RNF149: variants seen among roughly 807,000 people sequenced by gnomAD.
RNF149 encodes ring finger protein 149.
A neutral mutation model predicts 39.0 loss-of-function variants in RNF149; 21 were observed. The ratio of observed to expected loss-of-function variants is 0.54; its 90% confidence interval spans 0.38 to 0.77. The LOEUF is 0.77. RNF149 is among the 30% of genes least tolerant of loss of function. The pLI is 0.00. For missense variants in RNF149, 493 were observed against 534.9 expected, an observed-to-expected ratio of 0.92 and a Z score of 0.77; for synonymous variants, 209 against 213.6, an observed-to-expected ratio of 0.98 and a Z score of 0.19.
Position 101,276,517 on chromosome 2 carries a change from T to C in RNF149, c.*721A>G. The C allele has an allele frequency of 1.0e-6, 1 of 985,792 alleles. No homozygotes were observed. Among genetic ancestry groups the C allele is most frequent in the Non-Finnish European group, 1.2e-6 (1 of 829,886 alleles). 61.1% of individuals were successfully genotyped at this position (985,792 alleles called of 1,614,324 possible). ...CTACTCATTTTCCTTAACAAGGCAA[T>C]GAAGAACTTAATGCTCATGTGCGAT... On this transcript the variant is annotated 3_prime_UTR_variant, in exon 7 of 7. Coordinates refer to ENST00000295317, the MANE Select transcript of RNF149 (RefSeq NM_173647.4).
chr2:101,288,229 A>G (rs1261324926), intron 4 of RNF149, among the ~76,000 whole-genome samples: 4 of 132,126 alleles, frequency 3.0e-5, no homozygotes, highest in South Asian at 4.8e-4. Context: ...GGAAAGAAAA[A>G]CTTTTTTTTT....
chr2:101,272,239 T>C (rs891501738), downstream of RNF149, among the ~76,000 whole-genome samples: 1 of 152,202 alleles, frequency 6.6e-6, no homozygotes, highest in Non-Finnish European at 1.5e-5. Flanking sequence ...AAAGTCCTAG[T>C]GTTCCCAGGC....
At chr2:101,285,390 A>G (rs1682759162) in intron 5 of RNF149, among the ~76,000 whole-genome samples, 1 of 152,174 alleles carries the variant, frequency 6.6e-6, no homozygotes, top group South Asian at 2.1e-4. Flanking sequence ...ATTCCCCATT[A>G]GCTAACTGCA....
rs149493195 is a variant in RNF149, at chr2:101,304,393, C to T, written c.460+3736G>A. On this transcript the variant is annotated intron_variant, in intron 1 of 6. Coordinates refer to ENST00000295317, the MANE Select transcript of RNF149 (RefSeq NM_173647.4). ...GCCTGGGTGACAGAGCAAGACCTTG[C>T]CTCAAAAACAAAACAAAACAAAACA... Among the ~76,000 whole-genome samples the T allele has an allele frequency of 6.2e-3, 945 of 152,130 alleles. 3 individuals carry two copies. The highest frequency in any genetic ancestry group is 0.022 in the African/African-American group (902 of 41,508).
chr2:101,273,123 T>C (rs930110765), downstream of RNF149: 1 of 1,361,838 alleles, frequency 7.3e-7, no homozygotes, highest in African/African-American at 1.5e-5. Flanking sequence ...GGGGAAATTA[T>C]TACCTGCCAA....
downstream of RNF149, among the ~76,000 whole-genome samples, chr2:101,271,953 C>T (rs912814423): frequency 5.9e-5 from 9 of 152,268 alleles, no homozygotes; most frequent in East Asian, 3.9e-4. Context: ...GATTCACATT[C>T]GCTGGGAGAA....
Position 101,277,095 on chromosome 2 carries a change from C to T in RNF149, c.*143G>A. ...TCTTCAAGAAGAAAATATCTTAGTC[C>T]TTTGTATATCAAATCAGAATCTAAT... On this transcript the variant is annotated 3_prime_UTR_variant, in exon 7 of 7. Transcript: ENST00000295317. The T allele has an allele frequency of 7.0e-7, 1 of 1,418,592 alleles. No individual in the cohort carries two copies. The highest frequency in any genetic ancestry group is 9.4e-7 in the Non-Finnish European group (1 of 1,063,012). 87.9% of individuals were successfully genotyped at this position (1,418,592 alleles called of 1,614,324 possible). A position where few individuals can be genotyped will look rare whatever the true frequency, so the allele number is the denominator to read the frequency against.
intron 3 of RNF149, among the ~76,000 whole-genome samples, chr2:101,292,172 T>C (rs1683037112): frequency 6.6e-6 from 1 of 152,226 alleles, no homozygotes; most frequent in Non-Finnish European, 1.5e-5. Context: ...GAATGTGTAT[T>C]GCTTTCACAC....
chr2:101,280,200 T>TG (rs1303743357), intron 6 of RNF149, among the ~76,000 whole-genome samples: 5 of 142,588 alleles, frequency 3.5e-5, no homozygotes, highest in South Asian at 2.2e-4. Flanking sequence ...ATAATAATAA[T>TG]AATGATGATG....
chr2:101,303,419 G>C (rs750274125), intron 1 of RNF149, among the ~76,000 whole-genome samples: 2 of 151,900 alleles, frequency 1.3e-5, no homozygotes, highest in South Asian at 2.1e-4. Flanking sequence ...GAGCTACTGC[G>C]CCCGACCCCA....
chr2:101,276,984 G>A lies in RNF149; in HGVS notation c.*254C>T, dbSNP rs1558775395. The A allele has an allele frequency of 8.3e-7, 1 of 1,198,242 alleles. No individual in the cohort carries two copies. The highest frequency in any genetic ancestry group is 1.6e-5 in the African/African-American group (1 of 63,072). The allele number at this position is 1,198,242 out of a possible 1,614,324, so 74.2% of individuals were successfully genotyped here. A position where few individuals can be genotyped will look rare whatever the true frequency, so the allele number is the denominator to read the frequency against. ...TTATATTAGAGTACCTGCCCCAGTT[G>A]TCTTTGTAATAGTCTGAAGCAACAC... is the stretch of plus-strand genomic sequence containing the variant. On this transcript the variant is annotated 3_prime_UTR_variant, in exon 7 of 7. Transcript: ENST00000295317.
intron 1 of RNF149, among the ~76,000 whole-genome samples, chr2:101,304,835 A>ATTTT (rs11340908): frequency 3.3e-5 from 3 of 89,748 alleles, no homozygotes; most frequent in Non-Finnish European, 6.5e-5. Context: ...GACTACTAGT[A>ATTTT]TTTTTTTTTT....
chr2:101,308,116 C>A lies in RNF149; in HGVS notation c.460+13G>T. 6.2e-7 allele frequency: 1 copy of A among 1,605,578 alleles called. No individual in the cohort carries two copies. Among genetic ancestry groups the A allele is most frequent in the South Asian group, 1.1e-5 (1 of 90,836 alleles). On this transcript the variant is annotated intron_variant, in intron 1 of 6. Transcript: ENST00000295317. ...GAAGTCCCCCTCCCGTCCTCGCGCC[C>A]CGGCCTGCTCACCCGCGTGAGACAT...
At chr2:101,273,240 G>A (rs1020483884), downstream of RNF149, 18 of 717,838 alleles carry the variant, frequency 2.5e-5, no homozygotes, top group Non-Finnish European at 4.0e-5. Flanking sequence ...CAGGCAGGGG[G>A]CTGCGGAGAG....
At chr2:101,279,759 C>T (rs1009792521) in intron 6 of RNF149, among the ~76,000 whole-genome samples, 3 of 152,130 alleles carry the variant, frequency 2.0e-5, no homozygotes, top group Admixed American at 6.5e-5. Context: ...TTAATACTTA[C>T]ATTCTAATAT....
intron 6 of RNF149, among the ~76,000 whole-genome samples, chr2:101,280,370 GA>G (rs2104388267): frequency 6.6e-6 from 1 of 152,082 alleles, no homozygotes; most frequent in South Asian, 2.1e-4. Context: ...GGAATAAAAG[GA>G]AAAAACAGAT....
intron 1 of RNF149, among the ~76,000 whole-genome samples, chr2:101,305,948 A>G (rs545139212): frequency 5.8e-4 from 88 of 152,352 alleles, no homozygotes; most frequent in African/African-American, 1.9e-3. Flanking sequence ...GACACTTCAC[A>G]CATCTTTAAA....
In RNF149 at chr2:101,308,157, C is replaced by A. The variant is rs778247775; in HGVS notation, c.432G>T (p.Gly144=). ...CGTGAGACATGGGCAAGGTGATGTT[C>A]CCGTAGCGCTCCTCATTGTAGAGGA... ...AVVLYNEERY[G]NITLPMSHAG... The change falls in exon 1 of 7, where the codon GGG becomes GGT. Residue 144 remains glycine (G), a synonymous_variant. Transcript: ENST00000295317. 1.2e-5 allele frequency: 19 copies of A among 1,610,128 alleles called. No individual in the cohort carries two copies. The highest frequency in any genetic ancestry group is 1.6e-5 in the Non-Finnish European group (19 of 1,179,256).
At chr2:101,296,180 C>T (rs1683226024) in intron 1 of RNF149, among the ~76,000 whole-genome samples, 1 of 152,018 alleles carries the variant, frequency 6.6e-6, no homozygotes, top group South Asian at 2.1e-4. Flanking sequence ...TACATAATAC[C>T]TAAAGCATGT....
Sources: allele counts gnomAD v4.1 joint callset (sites outside exome capture counted in the v4.1 genomes callset), GRCh38; gene constraint gnomAD v4.1.1; transcripts MANE v1.5; gene names NCBI Gene and HGNC (gene_info 2026-07-23, HGNC 2026-07-21).